Variants in HNRNPM observed in about 807,000 individuals in gnomAD.
HNRNPM encodes heterogeneous nuclear ribonucleoprotein M.
In HNRNPM, 11 loss-of-function variants were observed where a neutral mutation model predicts 73.1. That is an observed-to-expected ratio of 0.15 (90% confidence interval 0.09 to 0.25). The LOEUF (loss-of-function observed/expected upper bound fraction) is 0.25. Among genes scored for constraint, HNRNPM ranks in the 10% least tolerant of loss-of-function variants. HNRNPM has a pLI of 1.00. For synonymous variants in HNRNPM, 407 were observed against 355.2 expected (o/e 1.15, Z -1.64); for missense variants, 789 against 1,067.9 (o/e 0.74, Z 3.64).
intron 15 of HNRNPM, 30 bp from the exon 16 acceptor site, chr19:8,488,657 CTGAG>C: frequency 6.3e-7 from 1 of 1,587,678 alleles, no homozygotes; most frequent in Non-Finnish European, 8.6e-7. Context: ...AAAATCGGGA[CTGAG>C]TGTCGTCTCT....
chr19:8,474,134 T>C, intron 11 of HNRNPM, 33 bp from the exon 12 acceptor site: 1 of 1,505,036 alleles, frequency 6.6e-7, no homozygotes, highest in South Asian at 1.2e-5. Flanking sequence ...GCAGTCTTGT[T>C]GGATGATGCT....
chr19:8,473,036 T>C (rs531041229), intron 10 of HNRNPM, among the ~76,000 whole-genome samples: 1 of 152,228 alleles, frequency 6.6e-6, no homozygotes, highest in African/African-American at 2.4e-5. Flanking sequence ...CCCAGCAATT[T>C]GGAGGCCGAG....
intron 12 of HNRNPM, among the ~76,000 whole-genome samples, chr19:8,482,197 T>TC (rs1970969529): frequency 6.6e-6 from 1 of 152,176 alleles, no homozygotes; most frequent in Admixed American, 6.5e-5. Context: ...CCTCAGGTGA[T>TC]CCACCCGCCT....
At chr19:8,479,043 T>C (rs565004594) in intron 12 of HNRNPM, among the ~76,000 whole-genome samples, 19 of 150,542 alleles carry the variant, frequency 1.3e-4, no homozygotes, top group African/African-American at 4.6e-4. Flanking sequence ...TTTGGTTAGG[T>C]GGCAGAGCAA....
chr19:8,469,838 C>T (rs554197836), intron 9 of HNRNPM, among the ~76,000 whole-genome samples: 1 of 152,218 alleles, frequency 6.6e-6, no homozygotes, highest in South Asian at 2.1e-4. Flanking sequence ...GCCCTACTCA[C>T]TGAGTTGGAT....
chr19:8,456,763 C>T (rs564616092), intron 2 of HNRNPM, among the ~76,000 whole-genome samples: 59 of 152,286 alleles, frequency 3.9e-4, no homozygotes, highest in Middle Eastern at 3.4e-3. Context: ...TACAGTCACG[C>T]GTGCTGCTCC....
chr19:8,468,740 A>T (rs758375343), intron 8 of HNRNPM, 34 bp from the exon 9 acceptor site: 1 of 1,565,018 alleles, frequency 6.4e-7, no homozygotes, highest in Admixed American at 1.7e-5. Context: ...GCTGCACTGG[A>T]TACTGAGATT....
chr19:8,466,028 A>G (rs1402863635), intron 6 of HNRNPM, among the ~76,000 whole-genome samples: 1 of 152,200 alleles, frequency 6.6e-6, no homozygotes, highest in Non-Finnish European at 1.5e-5. Context: ...GAAAAGAGAC[A>G]ATATATTTAC....
In HNRNPM at chr19:8,445,069, C is replaced by T. The variant is rs1968032159; in HGVS notation, c.71C>T (p.Ala24Val). 2.1e-6 allele frequency: 3 copies of T among 1,422,718 alleles called. No homozygotes were observed. The highest frequency in any genetic ancestry group is 3.0e-5 in the African/African-American group (2 of 66,746). 88.1% of individuals were successfully genotyped at this position (1,422,718 alleles called of 1,614,324 possible). The part of the protein sequence containing the change: ...TEIKMEEESG[A>V]PGVPSGNGAP... ...ATCAAAATGGAGGAAGAGAGCGGCG[C>T]GCCCGGCGTGCCGAGCGGCAACGGG... is the stretch of plus-strand genomic sequence containing the variant. Residue 24 changes from alanine (A) to valine (V), a missense_variant, in exon 1 of 16, where the codon GCG (alanine) becomes GTG (valine). By Grantham distance (64) the Ala-to-Val change is moderately conservative. Around this residue, in one of 4 missense-constraint regions of HNRNPM, gnomAD observed 79 missense variants for 70.7 expected, o/e 1.12. Coordinates refer to ENST00000325495, the MANE Select transcript of HNRNPM (RefSeq NM_005968.5).
At chr19:8,466,171 G>C (rs963430560) in intron 6 of HNRNPM, 64 bp from the exon 7 acceptor site, 2 of 1,478,384 alleles carry the variant, frequency 1.4e-6, no homozygotes. Context: ...CATTCATGTA[G>C]TAAAAATGTT....
Position 8,467,582 on chromosome 19 carries a change from A to G in HNRNPM, c.832A>G (p.Met278Val), listed in dbSNP as rs777883486. The G allele has an allele frequency of 4.4e-6, 7 of 1,607,914 alleles. No homozygotes were observed. The highest frequency in any genetic ancestry group is 6.0e-6 in the Non-Finnish European group (7 of 1,174,394). The change falls in exon 8 of 16, where the codon ATG (methionine) becomes GTG (valine). Residue 278 changes from methionine (M) to valine (V), a missense_variant and splice_region_variant. Met to Val is a conservative substitution (Grantham distance 21). This residue lies in a region of HNRNPM where 604 missense variants were observed against 744.0 expected (regional missense o/e 0.81). Transcript: ENST00000325495. ...LLFDRPMHVK[M>V]DERALPKGDF... Reference sequence around the variant, plus strand: ...ATTTGATAGACCAATGCACGTCAAGATGGTAAGTCAGTAGGATCTTTCTCT... The same window carrying G: ...ATTTGATAGACCAATGCACGTCAAGGTGGTAAGTCAGTAGGATCTTTCTCT...
intron 11 of HNRNPM, 122 bp from the exon 12 acceptor site, chr19:8,474,045 T>C: frequency 1.3e-6 from 1 of 758,464 alleles, no homozygotes; most frequent in East Asian, 2.8e-5. Flanking sequence ...TTCAAAAGCC[T>C]TTAAACTTGG....
intron 14 of HNRNPM, 98 bp downstream of exon 14, chr19:8,486,503 G>T (rs1971320492): frequency 5.9e-6 from 6 of 1,013,356 alleles, no homozygotes; most frequent in African/African-American, 1.6e-5. Context: ...GCCCTTCAAA[G>T]GGGACCACAC....
At chr19:8,465,852 G>A (rs1969708731) in intron 6 of HNRNPM, among the ~76,000 whole-genome samples, 1 of 152,114 alleles carries the variant, frequency 6.6e-6, no homozygotes. Context: ...CTCTTGTTGT[G>A]TCTGGGGTGA....
intron 2 of HNRNPM, among the ~76,000 whole-genome samples, chr19:8,457,214 G>A (rs556889101): frequency 4.6e-5 from 7 of 152,290 alleles, no homozygotes; most frequent in Admixed American, 2.0e-4. Context: ...GGACATGCTG[G>A]ATGAAGTAGG....
intron 9 of HNRNPM, 32 bp from the exon 10 acceptor site, chr19:8,471,294 G>C (rs141831276): frequency 3.6e-6 from 5 of 1,406,520 alleles, no homozygotes; most frequent in Non-Finnish European, 4.9e-6. Flanking sequence ...CTAAATAGGG[G>C]AAAACTAAGC....
In HNRNPM at chr19:8,467,429, C is replaced by A. The variant is rs1225613063; in HGVS notation, c.785-106C>A. 14 of 747,406 alleles carry A rather than the reference C, an allele frequency of 1.9e-5. No individual in the cohort carries two copies. In the Middle Eastern group the frequency reaches 7.9e-4, roughly 42 times the overall value. 46.3% of individuals were successfully genotyped at this position (747,406 alleles called of 1,614,324 possible). On this transcript the variant is annotated intron_variant, in intron 7 of 15. Transcript: ENST00000325495. ...GAAGAATTGAAATTGCTCATAAATT[C>A]ATCACTTAGAGGGACTGGTAGCAGT...
chr19:8,488,139 C>T (rs1259635049), intron 15 of HNRNPM: 2 of 152,470 alleles, frequency 1.3e-5, no homozygotes, highest in African/African-American at 4.8e-5. Flanking sequence ...TCCACCCTAC[C>T]TGCCCTGGGC....
chr19:8,487,282 ACTTC>A (rs1259574659), intron 15 of HNRNPM: 1 of 598,462 alleles, frequency 1.7e-6, no homozygotes, highest in African/African-American at 1.9e-5. Context: ...TTTCATCCTT[ACTTC>A]CTTTTTTCTT....
Sources: allele counts gnomAD v4.1 joint callset (sites outside exome capture counted in the v4.1 genomes callset), GRCh38; gene constraint gnomAD v4.1.1; regional missense constraint gnomAD v4.1.1; transcripts MANE v1.5; gene names NCBI Gene and HGNC (gene_info 2026-07-23, HGNC 2026-07-21).